The following OSBP2 variants were observed in gnomAD, a reference collection of about 807,000 sequenced individuals.
The protein encoded by OSBP2 is oxysterol-binding protein 2.
Under a neutral mutation model 96.0 loss-of-function variants are expected in OSBP2, and 66 were observed. That is an observed-to-expected ratio of 0.69 (90% CI 0.56 to 0.84). The LOEUF (loss-of-function observed/expected upper bound fraction) is 0.84, where lower values mean the gene tolerates loss of function less well. Among genes scored for constraint, OSBP2 ranks in the 40% least tolerant of loss-of-function variants. The pLI is 0.00. For synonymous variants in OSBP2, 525 were observed against 520.9 expected, an observed-to-expected ratio of 1.01 and a Z score of -0.11; for missense variants, 1,038 against 1,222.7, an observed-to-expected ratio of 0.85 and a Z score of 2.25.
At chr22:30,874,466 A>T (rs929129137) in intron 3 of OSBP2, among the ~76,000 whole-genome samples, 2 of 151,960 alleles carry the variant, frequency 1.3e-5, no homozygotes, top group African/African-American at 4.8e-5. Context: ...ATTTCTTTCA[A>T]GTTTGGGAAA....
intron 1 of OSBP2, among the ~76,000 whole-genome samples, chr22:30,730,809 A>ATTTT (rs1322802087): frequency 5.2e-4 from 11 of 21,260 alleles, no homozygotes; most frequent in African/African-American, 7.8e-4. Flanking sequence ...TATATATATA[A>ATTTT]TTTTTTTTTT....
intron 1 of OSBP2, among the ~76,000 whole-genome samples, chr22:30,695,810 G>A (rs1313140819): frequency 1.3e-5 from 2 of 152,194 alleles, no homozygotes; most frequent in African/African-American, 4.8e-5. Context: ...GTGGAGTAAG[G>A]GAGTGATCTG....
At chr22:30,872,017 G>A (rs187584596) in intron 3 of OSBP2, among the ~76,000 whole-genome samples, 14 of 152,368 alleles carry the variant, frequency 9.2e-5, no homozygotes, top group African/African-American at 3.1e-4. Flanking sequence ...CAGCCTGCAG[G>A]TGCCCACCCG....
In OSBP2 at chr22:30,893,134, C is replaced by A. The variant is rs1297153643; in HGVS notation, c.1882C>A (p.Pro628Thr). 1.2e-6 allele frequency: 2 copies of A among 1,613,954 alleles called. No individual in the cohort carries two copies. The highest frequency in any genetic ancestry group is 1.7e-5 in the Admixed American group (1 of 60,016). Residue 628 changes from proline to threonine, a missense_variant, in exon 9 of 14, where the codon CCC becomes ACC. Physicochemically the swap from Pro to Thr is conservative, Grantham distance 38. Around this residue, in one of 3 missense-constraint regions of OSBP2, gnomAD observed 737 missense variants for 913.3 expected, o/e 0.81. Transcript: ENST00000332585. ...RSLCEQVSHH[P>T]PSAAHYVFSK... ...GGTCTGGTCTCAGGTGAGCCACCAC[C>A]CCCCCTCAGCTGCGCACTACGTGTT...
At chr22:30,778,333 A>ACACACACACACACC (rs528319552) in intron 2 of OSBP2, among the ~76,000 whole-genome samples, 3 of 148,800 alleles carry the variant, frequency 2.0e-5, no homozygotes, top group Non-Finnish European at 3.0e-5. Flanking sequence ...ACACACACAC[A>ACACACACACACACC]CCCACTGACA....
At chr22:30,853,405 C>A (rs1251343749) in intron 2 of OSBP2, among the ~76,000 whole-genome samples, 2 of 152,158 alleles carry the variant, frequency 1.3e-5, no homozygotes, top group African/African-American at 4.8e-5. Context: ...AAAGTTAAAT[C>A]TCTTGTGAGT....
chr22:30,724,721 C>T (rs955958984), intron 1 of OSBP2, among the ~76,000 whole-genome samples: 3 of 152,136 alleles, frequency 2.0e-5, no homozygotes, highest in Admixed American at 6.6e-5. Context: ...TTGCTATGAG[C>T]GGGGCAGGGA....
chr22:30,756,123 CT>C (rs2090137855), intron 2 of OSBP2, among the ~76,000 whole-genome samples: 1 of 152,208 alleles, frequency 6.6e-6, no homozygotes, highest in African/African-American at 2.4e-5. Flanking sequence ...AGCAGTTACC[CT>C]TCCAGTGCCC....
At chr22:30,904,874 G>A (rs1028721132) in intron 12 of OSBP2, among the ~76,000 whole-genome samples, 3 of 152,260 alleles carry the variant, frequency 2.0e-5, no homozygotes, top group African/African-American at 7.2e-5. Flanking sequence ...AGTAGCTGAT[G>A]CCTGTAATCC....
intron 2 of OSBP2, among the ~76,000 whole-genome samples, chr22:30,810,695 G>A (rs1204421697): frequency 1.3e-5 from 2 of 152,182 alleles, no homozygotes; most frequent in African/African-American, 2.4e-5. Context: ...GTCACCATGG[G>A]CGGCTCTGCT....
intron 2 of OSBP2, among the ~76,000 whole-genome samples, chr22:30,772,768 G>A (rs1411311260): frequency 6.6e-6 from 1 of 151,554 alleles, no homozygotes; most frequent in Non-Finnish European, 1.5e-5. Context: ...ATACCACACG[G>A]GGAACGGCTG....
chr22:30,731,229 C>T (rs1393319225), intron 1 of OSBP2, among the ~76,000 whole-genome samples: 1 of 151,846 alleles, frequency 6.6e-6, no homozygotes, highest in African/African-American at 2.4e-5. Flanking sequence ...GAGGTGCAAT[C>T]CCAGGGCAGT....
chr22:30,781,639 C>G (rs2090520681), intron 2 of OSBP2, among the ~76,000 whole-genome samples: 2 of 152,252 alleles, frequency 1.3e-5, no homozygotes, highest in Middle Eastern at 3.4e-3. Flanking sequence ...GACCAGGGAG[C>G]CGCATCTGCC....
chr22:30,856,552 A>T (rs931646841), intron 2 of OSBP2, among the ~76,000 whole-genome samples: 1 of 151,278 alleles, frequency 6.6e-6, no homozygotes, highest in Non-Finnish European at 1.5e-5. Flanking sequence ...ATGCCTGACT[A>T]ATTTTTGTAT....
chr22:30,737,948 G>A (rs1389545009), intron 1 of OSBP2, among the ~76,000 whole-genome samples: 1 of 151,890 alleles, frequency 6.6e-6, no homozygotes, highest in Non-Finnish European at 1.5e-5. Flanking sequence ...TCCTGACCTC[G>A]TGATCCACCC....
chr22:30,870,678 TCAA>T lies in OSBP2; in HGVS notation c.1105_1107del (p.Asn369del). ...TTCCGCATCACATCCAATGCTATGATCAACGTGAGTACCCACCCCCACCGCCCT... is the reference window on the plus strand; with the variant it reads ...TTCCGCATCACATCCAATGCTATGATCGTGAGTACCCACCCCCACCGCCCT... On this transcript the variant is annotated inframe_deletion and splice_region_variant, in exon 3 of 14. Transcript: ENST00000332585. This position sits in a 1 kb window ranked among gnomAD's most constrained non-coding sequence, Gnocchi z 4.1. The T allele has an allele frequency of 6.2e-7, 1 of 1,613,024 alleles. No individual in the cohort carries two copies. The highest frequency in any genetic ancestry group is 8.5e-7 in the Non-Finnish European group (1 of 1,179,638).
chr22:30,826,575 G>C (rs2038410046), intron 2 of OSBP2, among the ~76,000 whole-genome samples: 1 of 152,182 alleles, frequency 6.6e-6, no homozygotes. Context: ...AGCAGGACTG[G>C]GTTGTTTGAT....
chr22:30,838,921 G>C (rs2038689286), intron 2 of OSBP2, among the ~76,000 whole-genome samples: 1 of 150,384 alleles, frequency 6.6e-6, no homozygotes. Context: ...GTGGCATGCT[G>C]GTGTGCTGCA....
At chr22:30,900,693 G>T (rs1051432224) in intron 12 of OSBP2, among the ~76,000 whole-genome samples, 2 of 152,056 alleles carry the variant, frequency 1.3e-5, no homozygotes, top group Admixed American at 1.3e-4. Flanking sequence ...AGATGGAATG[G>T]CTCACCAAAT....
Sources: allele counts gnomAD v4.1 joint callset (sites outside exome capture counted in the v4.1 genomes callset), GRCh38; gene constraint gnomAD v4.1.1; regional missense constraint gnomAD v4.1.1; non-coding constraint Gnocchi (gnomAD v3.1); transcripts MANE v1.5; gene names NCBI Gene and HGNC (gene_info 2026-07-23, HGNC 2026-07-21).